Variants in GPC6 observed in about 807,000 individuals in gnomAD.
The protein encoded by GPC6 is glypican 6.
Under a neutral mutation model 55.2 loss-of-function variants are expected in GPC6, and 14 were observed. The ratio of observed to expected loss-of-function variants is 0.25; its 90% CI spans 0.17 to 0.40. The LOEUF (loss-of-function observed/expected upper bound fraction) is 0.40. Among genes scored for constraint, GPC6 ranks in the 10% least tolerant of loss-of-function variants. The pLI, the probability that GPC6 is intolerant of heterozygous loss-of-function variation, is 1.00. For missense variants in GPC6, 641 were observed against 708.5 expected, an observed-to-expected ratio of 0.90 and a Z score of 1.08; for synonymous variants, 278 against 259.6, an observed-to-expected ratio of 1.07 and a Z score of -0.68.
At chr13:94,083,919 A>T (rs983335642) in intron 4 of GPC6, among the ~76,000 whole-genome samples, 1 of 152,244 alleles carries the variant, frequency 6.6e-6, no homozygotes, top group East Asian at 1.9e-4. Flanking sequence ...AGGGCTATAT[A>T]ATGCTTGTCA....
chr13:93,967,453 A>T (rs1401119361), intron 3 of GPC6, among the ~76,000 whole-genome samples: 1 of 152,200 alleles, frequency 6.6e-6, no homozygotes, highest in Admixed American at 6.5e-5. Context: ...TTTGTTTGCC[A>T]TTCCTACATG....
At chr13:94,053,980 G>T (rs1884044363) in intron 4 of GPC6, among the ~76,000 whole-genome samples, 1 of 152,018 alleles carries the variant, frequency 6.6e-6, no homozygotes. Context: ...ATTTGGACAG[G>T]CATGTATTGG....
chr13:93,546,486 TG>T (rs979661215), intron 2 of GPC6, among the ~76,000 whole-genome samples: 1 of 152,246 alleles, frequency 6.6e-6, no homozygotes, highest in Non-Finnish European at 1.5e-5. Flanking sequence ...ACAAATGATG[TG>T]ACACTTTCTG....
chr13:93,895,222 A>ATGTGTGTGTGTG lies in GPC6; in HGVS notation c.711+64679_711+64690dup, dbSNP rs369480808. On this transcript the variant is annotated intron_variant, in intron 3 of 8. Coordinates refer to ENST00000377047, the MANE Select transcript of GPC6 (RefSeq NM_005708.5). ...TATATATGTGTGTGTGTGTGTATGTATGTGTGTGTGTGTATATATATATAT... is the reference window on the plus strand; with the variant it reads ...TATATATGTGTGTGTGTGTGTATGTATGTGTGTGTGTGTGTGTGTGTGTGTATATATATATAT... Among the ~76,000 whole-genome samples the ATGTGTGTGTGTG allele has an allele frequency of 2.5e-3, 136 of 53,576 alleles. 7 individuals are homozygous for ATGTGTGTGTGTG. Among genetic ancestry groups the ATGTGTGTGTGTG allele is most frequent in the African/African-American group, 0.01 (128 of 12,688 alleles). 35.1% of individuals were successfully genotyped at this position (53,576 alleles called of 152,430 possible).
chr13:93,835,940 A>G (rs1199403554), intron 3 of GPC6: 1 of 152,138 alleles, frequency 6.6e-6, no homozygotes, highest in Non-Finnish European at 1.5e-5. Flanking sequence ...ACTGTCAACT[A>G]TCTCTCTATC....
intron 6 of GPC6, among the ~76,000 whole-genome samples, chr13:94,356,486 AT>A (rs1878802093): frequency 6.6e-6 from 1 of 152,196 alleles, no homozygotes; most frequent in African/African-American, 2.4e-5. Flanking sequence ...TCACTACTTC[AT>A]CCCTGGTACC....
At chr13:94,178,285 T>C (rs375070181) in intron 4 of GPC6, among the ~76,000 whole-genome samples, 57 of 152,226 alleles carry the variant, frequency 3.7e-4, no homozygotes, top group South Asian at 2.7e-3. Context: ...GCATGAGCCA[T>C]CGCACCCGGC....
chr13:93,502,885 T>C (rs962081706), intron 1 of GPC6, among the ~76,000 whole-genome samples: 3 of 152,106 alleles, frequency 2.0e-5, no homozygotes, highest in Non-Finnish European at 4.4e-5. Flanking sequence ...ATAATATTTC[T>C]ACCAGATACT....
At chr13:93,735,479 C>T (rs920275529) in intron 2 of GPC6, among the ~76,000 whole-genome samples, 1 of 151,142 alleles carries the variant, frequency 6.6e-6, no homozygotes, top group South Asian at 2.1e-4. Context: ...TTGCAGTGAG[C>T]CATTGCACTC....
chr13:94,044,383 G>A (rs1363259360), intron 4 of GPC6, among the ~76,000 whole-genome samples: 1 of 151,802 alleles, frequency 6.6e-6, no homozygotes, highest in Non-Finnish European at 1.5e-5. Context: ...TACAGCTCAA[G>A]GTCATCGCCA....
chr13:93,978,642 A>G (rs1880632893), intron 3 of GPC6, among the ~76,000 whole-genome samples: 1 of 152,070 alleles, frequency 6.6e-6, no homozygotes, highest in African/African-American at 2.4e-5. Flanking sequence ...TCTTCCTCCA[A>G]TACCATCTTA....
chr13:94,163,428 C>T (rs776299259), intron 4 of GPC6, among the ~76,000 whole-genome samples: 72 of 151,980 alleles, frequency 4.7e-4, no homozygotes, highest in Non-Finnish European at 9.6e-4. Flanking sequence ...TATGTATCTC[C>T]AAGAAATAGA....
chr13:94,016,491 G>A (rs1483619694), intron 3 of GPC6, among the ~76,000 whole-genome samples: 1 of 152,100 alleles, frequency 6.6e-6, no homozygotes, highest in African/African-American at 2.4e-5. Context: ...TACCATATTA[G>A]TTACTTTAGC....
intron 6 of GPC6, among the ~76,000 whole-genome samples, chr13:94,329,903 C>G (rs1451546610): frequency 6.6e-6 from 1 of 152,166 alleles, no homozygotes; most frequent in African/African-American, 2.4e-5. Flanking sequence ...AGAAACGAAG[C>G]CAAATGTGAT....
At chr13:93,483,780 T>G (rs1331654856) in intron 1 of GPC6, among the ~76,000 whole-genome samples, 1 of 152,140 alleles carries the variant, frequency 6.6e-6, no homozygotes, top group East Asian at 1.9e-4. Flanking sequence ...GTGGCTGCAT[T>G]GTGCTATTAG....
At chr13:93,653,417 C>T (rs1044398433) in intron 2 of GPC6, among the ~76,000 whole-genome samples, 3 of 152,028 alleles carry the variant, frequency 2.0e-5, no homozygotes, top group South Asian at 2.1e-4. Flanking sequence ...CTCTAAAAAA[C>T]GTTAAGTATG....
At chr13:94,102,558 A>G (rs1885906040) in intron 4 of GPC6, among the ~76,000 whole-genome samples, 1 of 151,714 alleles carries the variant, frequency 6.6e-6, no homozygotes, top group Non-Finnish European at 1.5e-5. Flanking sequence ...CCTTGTTAAT[A>G]AGCCAGTGAT....
At chr13:93,476,166 A>T (rs186830976) in intron 1 of GPC6, among the ~76,000 whole-genome samples, 14 of 152,304 alleles carry the variant, frequency 9.2e-5, no homozygotes, top group African/African-American at 3.4e-4. Context: ...GCACATTTTA[A>T]ACTATTGATG....
intron 4 of GPC6, among the ~76,000 whole-genome samples, chr13:94,184,693 G>A (rs892650810): frequency 6.6e-6 from 1 of 152,158 alleles, no homozygotes; most frequent in Non-Finnish European, 1.5e-5. Flanking sequence ...CTGTCGGTGG[G>A]AATGTAAATT....
Sources: allele counts gnomAD v4.1 joint callset (sites outside exome capture counted in the v4.1 genomes callset), GRCh38; gene constraint gnomAD v4.1.1; transcripts MANE v1.5; gene names NCBI Gene and HGNC (gene_info 2026-07-23, HGNC 2026-07-21).